Variants in CDIN1 observed in about 807,000 individuals in gnomAD.
CDIN1 encodes the protein CDAN1 interacting nuclease 1.
In CDIN1, 33 loss-of-function variants were observed where a neutral mutation model predicts 45.3. That is an observed-to-expected ratio of 0.73 (90% CI 0.55 to 0.97). The LOEUF is 0.97. Ranked by LOEUF, CDIN1 falls within the 50% of genes least tolerant of loss-of-function variation. CDIN1 has a pLI of 0.00. For missense variants in CDIN1, 303 were observed against 339.4 expected (o/e 0.89, Z 0.84); for synonymous variants, 118 against 124.4 (o/e 0.95, Z 0.34).
chr15:36,690,002 G>A (rs1395161898), intron 5 of CDIN1, among the ~76,000 whole-genome samples: 1 of 152,184 alleles, frequency 6.6e-6, no homozygotes, highest in Non-Finnish European at 1.5e-5. Context: ...ACTTGCCAAG[G>A]TTGCAGAGCC....
intron 1 of CDIN1, among the ~76,000 whole-genome samples, chr15:36,601,998 C>T (rs62002267): frequency 4.6e-5 from 7 of 152,306 alleles, no homozygotes; most frequent in Middle Eastern, 3.4e-3. Context: ...GATAAAGCTA[C>T]TATTATTCCT....
At chr15:36,712,664 T>C (rs1368724400) in intron 10 of CDIN1, among the ~76,000 whole-genome samples, 1 of 152,286 alleles carries the variant, frequency 6.6e-6, no homozygotes, top group Non-Finnish European at 1.5e-5. Flanking sequence ...TTATAGTAAA[T>C]TGATATTCTT....
intron 5 of CDIN1, chr15:36,691,210 G>A (rs1356465826): frequency 1.9e-6 from 1 of 518,016 alleles, no homozygotes; most frequent in Non-Finnish European, 3.9e-6. Context: ...TTTCATGGCT[G>A]AAAGCCATTT....
At chr15:36,667,152 GA>G (rs1299870074) in intron 5 of CDIN1, among the ~76,000 whole-genome samples, 1 of 152,170 alleles carries the variant, frequency 6.6e-6, no homozygotes, top group Non-Finnish European at 1.5e-5. Flanking sequence ...TCATTTTCAT[GA>G]GTCAGAAAGC....
chr15:36,807,202 TC>T (rs2141154771), intron 10 of CDIN1, among the ~76,000 whole-genome samples: 1 of 152,332 alleles, frequency 6.6e-6, no homozygotes, highest in African/African-American at 2.4e-5. Flanking sequence ...TCGCAGCCCA[TC>T]CTGTATTGTT....
Position 36,653,247 on chromosome 15 carries a change from A to C in CDIN1, c.213-851A>C, listed in dbSNP as rs1234616028. Among the ~76,000 whole-genome samples, 5 of 152,142 alleles carry C rather than the reference A, an allele frequency of 3.3e-5. No homozygotes were observed. The East Asian group carries it at 9.6e-4, about 29-fold the overall frequency. ...AACTTATATGGTAGTGGATCGAAGA[A>C]GGTGACATCTGAATTGAATCATGAG... On this transcript the variant is annotated intron_variant, in intron 3 of 10. Coordinates refer to ENST00000566621, the MANE Select transcript of CDIN1 (RefSeq NM_001321759.2).
chr15:36,752,485 A>G (rs1353625506), intron 10 of CDIN1, among the ~76,000 whole-genome samples: 1 of 152,172 alleles, frequency 6.6e-6, no homozygotes, highest in East Asian at 1.9e-4. Context: ...GAAATATCAT[A>G]TTGCTGGAGC....
At chr15:36,719,501 T>C (rs1370859846) in intron 10 of CDIN1, among the ~76,000 whole-genome samples, 2 of 152,210 alleles carry the variant, frequency 1.3e-5, no homozygotes, top group Non-Finnish European at 1.5e-5. Flanking sequence ...ACACTTTTTA[T>C]ATTTTGCTGG....
intron 10 of CDIN1, among the ~76,000 whole-genome samples, chr15:36,768,968 G>C (rs2053996517): frequency 6.6e-6 from 1 of 152,098 alleles, no homozygotes; most frequent in Non-Finnish European, 1.5e-5. Context: ...AATGTAGAGA[G>C]AACTGGCCTG....
chr15:36,732,845 T>C (rs2043881287), intron 10 of CDIN1, among the ~76,000 whole-genome samples: 2 of 152,070 alleles, frequency 1.3e-5, no homozygotes, highest in African/African-American at 2.4e-5. Flanking sequence ...TCATAAGATA[T>C]AACCTAAACC....
rs1465894648 is a variant in CDIN1 at position 36,694,794 on chromosome 15, G to A, written c.477-2529G>A. Among the ~76,000 whole-genome samples the A allele has an allele frequency of 2.6e-5, 4 of 152,170 alleles. No individual in the cohort carries two copies. The East Asian group carries it at 5.8e-4, about 22-fold the overall frequency. ...TTCAAATGCTGTGGGTTTCATTTCT[G>A]TACCATCAGAGACCTCAGTTTCATG... On this transcript the variant is annotated intron_variant, in intron 7 of 10. Transcript: ENST00000566621.
At chr15:36,761,871 A>T (rs1343896712) in intron 10 of CDIN1, among the ~76,000 whole-genome samples, 2 of 152,208 alleles carry the variant, frequency 1.3e-5, no homozygotes, top group African/African-American at 4.8e-5. Flanking sequence ...AAAGGGAAAA[A>T]ATAAAATAGA....
In CDIN1 at chr15:36,648,051, G is replaced by C. The variant is rs548073904; in HGVS notation, c.212+2764G>C. ...AGACGGGGTTTCACCGTGTTAGCCA[G>C]GATGGTCTCGATCTCCTGACCTTGT... On this transcript the variant is annotated intron_variant, in intron 3 of 10. Coordinates refer to ENST00000566621, the MANE Select transcript of CDIN1 (RefSeq NM_001321759.2). 3.3e-5 allele frequency among the ~76,000 whole-genome samples: 5 copies of C among 152,192 alleles called. No homozygotes were observed. The South Asian group carries it at 1.0e-3, about 32-fold the overall frequency.
intron 5 of CDIN1, among the ~76,000 whole-genome samples, chr15:36,690,837 C>T (rs142686312): frequency 1.2e-3 from 182 of 152,284 alleles, no homozygotes; most frequent in Non-Finnish European, 2.2e-3. Context: ...ACCTGCCCTT[C>T]TCCCATGCAT....
Position 36,714,520 on chromosome 15 carries a change from A to G in CDIN1, c.716+4559A>G, listed in dbSNP as rs565783099. 1.6e-3 allele frequency among the ~76,000 whole-genome samples: 237 copies of G among 152,294 alleles called. 1 individual carries two copies. Among genetic ancestry groups the G allele is most frequent in the African/African-American group, 5.5e-3 (227 of 41,570 alleles). On this transcript the variant is annotated intron_variant, in intron 10 of 10. Coordinates refer to ENST00000566621, the MANE Select transcript of CDIN1 (RefSeq NM_001321759.2). ...GTAAAGTTACATATTAAGTTAACAG[A>G]CCTTAAATAAAATATATTCTATTCT... is the stretch of plus-strand genomic sequence containing the variant.
chr15:36,806,256 C>T (rs1391145086), intron 10 of CDIN1, among the ~76,000 whole-genome samples: 1 of 152,154 alleles, frequency 6.6e-6, no homozygotes, highest in Non-Finnish European at 1.5e-5. Context: ...TGTTCCCCAG[C>T]CTGGCTTTTC....
chr15:36,705,149 C>T (rs1328448189), intron 8 of CDIN1: 1 of 152,138 alleles, frequency 6.6e-6, no homozygotes, highest in Admixed American at 6.5e-5. Context: ...AAAGACAGTC[C>T]TGACAACTTA....
chr15:36,725,012 C>T (rs1238002987), intron 10 of CDIN1, among the ~76,000 whole-genome samples: 1 of 152,134 alleles, frequency 6.6e-6, no homozygotes, highest in Non-Finnish European at 1.5e-5. Flanking sequence ...CATGCATACC[C>T]CACATCCAAA....
chr15:36,678,212 G>C (rs1319170323), intron 5 of CDIN1, among the ~76,000 whole-genome samples: 1 of 152,166 alleles, frequency 6.6e-6, no homozygotes, highest in Non-Finnish European at 1.5e-5. Context: ...CTAGTGCTTA[G>C]AATTCTTGAG....
Sources: gnomAD v4.1 joint callset for allele counts (sites outside exome capture counted in the v4.1 genomes callset) on GRCh38, gnomAD v4.1.1 for gene constraint, MANE v1.5 for transcripts, NCBI Gene and HGNC (gene_info 2026-07-23, HGNC 2026-07-21) for gene names.